The following WNT3 variants were observed in gnomAD, a reference collection of about 807,000 sequenced individuals.
WNT3 encodes proto-oncogene Wnt-3.
A neutral mutation model predicts 34.2 loss-of-function variants in WNT3; 7 were observed. The observed-to-expected ratio is 0.20, with a 90% CI of 0.12 to 0.38. WNT3 has a LOEUF of 0.38. WNT3 is among the 10% of genes least tolerant of loss of function. The probability of loss-of-function intolerance (pLI) is 1.00; values close to 1 mark genes in which losing one functional copy is unlikely to be tolerated. For synonymous variants in WNT3, 212 were observed against 211.5 expected (o/e 1.00, Z -0.02); for missense variants, 267 against 499.8 (o/e 0.53, Z 4.44).
intron 1 of WNT3, among the ~76,000 whole-genome samples, chr17:46,784,265 A>T (rs1479500644): frequency 6.6e-6 from 1 of 152,202 alleles, no homozygotes; most frequent in Admixed American, 6.6e-5. Flanking sequence ...GATGGTGTCC[A>T]CCAAGATGGG....
At chr17:46,806,232 A>T (rs1598794227) in intron 1 of WNT3, among the ~76,000 whole-genome samples, 3 of 99,798 alleles carry the variant, frequency 3.0e-5, no homozygotes. Flanking sequence ...TTTTTTTGAG[A>T]CAGAGTTTCG....
At chr17:46,784,698 C>T (rs1030310507) in intron 1 of WNT3, among the ~76,000 whole-genome samples, 15 of 151,960 alleles carry the variant, frequency 9.9e-5, no homozygotes, top group Non-Finnish European at 2.1e-4. Context: ...GAGGTCCCCA[C>T]GAGATGCACA....
chr17:46,771,780 G>T (rs1247659045), intron 2 of WNT3, among the ~76,000 whole-genome samples: 4 of 142,792 alleles, frequency 2.8e-5, no homozygotes, highest in East Asian at 2.1e-4. Flanking sequence ...GCCGCGCCGC[G>T]CCGCGCCGAA....
At chr17:46,807,545 A>T (rs1200551762) in intron 1 of WNT3, among the ~76,000 whole-genome samples, 1 of 152,088 alleles carries the variant, frequency 6.6e-6, no homozygotes. Context: ...ATAACTCAAA[A>T]CTATCCAGTC....
intron 1 of WNT3, among the ~76,000 whole-genome samples, chr17:46,794,185 A>G: frequency 6.6e-6 from 1 of 151,816 alleles, no homozygotes; most frequent in Non-Finnish European, 1.5e-5. Flanking sequence ...AAACCACAAG[A>G]CCTCAGGGGA....
At chr17:46,804,552 A>G (rs913025120) in intron 1 of WNT3, among the ~76,000 whole-genome samples, 3 of 152,166 alleles carry the variant, frequency 2.0e-5, no homozygotes, top group African/African-American at 7.2e-5. Flanking sequence ...TCTTTCCCTG[A>G]TTTAAAGGCA....
At chr17:46,793,732 G>A (rs557575383) in intron 1 of WNT3, among the ~76,000 whole-genome samples, 2 of 152,336 alleles carry the variant, frequency 1.3e-5, no homozygotes, top group African/African-American at 4.8e-5. Context: ...GGCCAGGGTA[G>A]ATGACACACG....
At chr17:46,793,268 T>C (rs1174020504) in intron 1 of WNT3, among the ~76,000 whole-genome samples, 11 of 63,764 alleles carry the variant, frequency 1.7e-4, no homozygotes, top group Middle Eastern at 0.016. Context: ...AGTGAGACCC[T>C]GTCTAAAAAA....
chr17:46,785,553 C>T (rs2059496629), intron 1 of WNT3, among the ~76,000 whole-genome samples: 3 of 152,242 alleles, frequency 2.0e-5, no homozygotes, highest in Admixed American at 2.0e-4. Context: ...ATGACCACTT[C>T]TACATGCTGT....
At position 46,768,715 on chromosome 17, in the gene WNT3, G is replaced by A; in HGVS notation, c.673C>T (p.Pro225Ser). The change falls in exon 4 of 5, where the codon CCT becomes TCT. Residue 225 changes from proline (P) to serine (S), a missense_variant. Physicochemically the swap from Pro to Ser is moderately conservative, Grantham distance 74. This residue lies in a region of WNT3 where 181 missense variants were observed against 391.3 expected (regional missense o/e 0.46). Transcript: ENST00000225512. The surrounding 1 kb of genome is among the most constrained non-coding windows in gnomAD (Gnocchi z 5.0). ...CEVKTCWWAQ[P>S]DFRAIGDFLK... Reference sequence around the variant, plus strand: ...AAGTCACCGATGGCACGGAAGTCAGGCTGCGCCCACCAGCAGGTCTTCACC... The same window carrying A: ...AAGTCACCGATGGCACGGAAGTCAGACTGCGCCCACCAGCAGGTCTTCACC... The A allele has an allele frequency of 6.2e-7, 1 of 1,614,118 alleles. No homozygotes were observed. Among genetic ancestry groups the A allele is most frequent in the Non-Finnish European group, 8.5e-7 (1 of 1,180,030 alleles).
At chr17:46,767,384 G>A (rs1217987123) in intron 4 of WNT3, among the ~76,000 whole-genome samples, 2 of 152,116 alleles carry the variant, frequency 1.3e-5, no homozygotes, top group Non-Finnish European at 2.9e-5. Flanking sequence ...CTTATATGCC[G>A]CTTCCCCCCA....
chr17:46,782,484 C>G (rs1238620907), intron 1 of WNT3, among the ~76,000 whole-genome samples: 1 of 152,186 alleles, frequency 6.6e-6, no homozygotes, highest in Non-Finnish European at 1.5e-5. Context: ...GCTCCACCCT[C>G]CACGGAAACT....
intron 1 of WNT3, among the ~76,000 whole-genome samples, chr17:46,816,331 C>T (rs1297084005): frequency 6.6e-6 from 1 of 152,072 alleles, no homozygotes; most frequent in African/African-American, 2.4e-5. Context: ...ACACACAGCA[C>T]AACCTGTCGT....
intron 1 of WNT3, among the ~76,000 whole-genome samples, chr17:46,813,297 G>A (rs1460629666): frequency 2.0e-5 from 3 of 151,672 alleles, no homozygotes; most frequent in Non-Finnish European, 4.4e-5. Context: ...AAGGAGGCAG[G>A]GACTTGAATG....
At chr17:46,810,541 A>G (rs1191644165) in intron 1 of WNT3, among the ~76,000 whole-genome samples, 1 of 152,186 alleles carries the variant, frequency 6.6e-6, no homozygotes, top group African/African-American at 2.4e-5. Flanking sequence ...GCAAGCAGGC[A>G]GGGCAGGTGG....
chr17:46,784,864 C>T (rs1187526118), intron 1 of WNT3, among the ~76,000 whole-genome samples: 1 of 151,688 alleles, frequency 6.6e-6, no homozygotes, highest in Admixed American at 6.6e-5. Context: ...CAAGCTCCAC[C>T]TCCCGGGTTC....
intron 1 of WNT3, among the ~76,000 whole-genome samples, chr17:46,810,426 C>T (rs940946594): frequency 6.6e-6 from 1 of 152,158 alleles, no homozygotes; most frequent in Non-Finnish European, 1.5e-5. Flanking sequence ...TCCTGATGCT[C>T]AATGGAGAGC....
At chr17:46,800,724 T>C (rs1360223981) in intron 1 of WNT3, among the ~76,000 whole-genome samples, 1 of 152,214 alleles carries the variant, frequency 6.6e-6, no homozygotes, top group African/African-American at 2.4e-5. Flanking sequence ...GGATCCACTG[T>C]GTGCCCTGTG....
intron 1 of WNT3, among the ~76,000 whole-genome samples, chr17:46,803,288 C>G (rs955822361): frequency 1.3e-5 from 2 of 152,242 alleles, no homozygotes; most frequent in Non-Finnish European, 2.9e-5. Flanking sequence ...AATCCCAGCA[C>G]TTTCGGAGGC....
Sources: gnomAD v4.1 joint callset for allele counts (sites outside exome capture counted in the v4.1 genomes callset) on GRCh38, gnomAD v4.1.1 for gene constraint, gnomAD v4.1.1 regional missense constraint, Gnocchi (gnomAD v3.1) non-coding constraint, MANE v1.5 for transcripts, NCBI Gene and HGNC (gene_info 2026-07-23, HGNC 2026-07-21) for gene names.